Variants in EPHB1 observed in about 807,000 individuals in gnomAD.
EPHB1 encodes the protein ephrin type-B receptor 1.
In EPHB1, 30 loss-of-function variants were observed where a neutral mutation model predicts 94.4. That is an observed-to-expected ratio of 0.32 (90% confidence interval 0.24 to 0.43). The LOEUF (loss-of-function observed/expected upper bound fraction) is 0.43, where lower values mean the gene tolerates loss of function less well. EPHB1 is among the 20% of genes least tolerant of loss of function. EPHB1 has a pLI of 1.00. For synonymous variants in EPHB1, 522 were observed against 489.1 expected (o/e 1.07, Z -0.89); for missense variants, 1,055 against 1,308.3 (o/e 0.81, Z 2.99).
intron 3 of EPHB1, among the ~76,000 whole-genome samples, chr3:135,063,217 G>T (rs901614262): frequency 6.6e-6 from 1 of 152,122 alleles, no homozygotes; most frequent in Non-Finnish European, 1.5e-5. Flanking sequence ...TTCTAATTCT[G>T]TGAAGAATGT....
intron 3 of EPHB1, among the ~76,000 whole-genome samples, chr3:134,982,535 C>T (rs1022266705): frequency 2.6e-5 from 4 of 152,180 alleles, no homozygotes; most frequent in Non-Finnish European, 5.9e-5. Context: ...TGATCATCAG[C>T]TCTGTCCCTC....
intron 3 of EPHB1, among the ~76,000 whole-genome samples, chr3:135,012,353 G>A (rs1935649387): frequency 6.6e-6 from 1 of 152,208 alleles, no homozygotes; most frequent in African/African-American, 2.4e-5. Flanking sequence ...AGTCCTCAAG[G>A]CTGACTTCCT....
intron 1 of EPHB1, among the ~76,000 whole-genome samples, chr3:134,922,313 A>G (rs934992832): frequency 2.0e-5 from 3 of 152,212 alleles, no homozygotes; most frequent in Non-Finnish European, 2.9e-5. Context: ...CTAGAGTGTA[A>G]TGCCATCATC....
chr3:134,920,682 T>C (rs2038665958), intron 1 of EPHB1, among the ~76,000 whole-genome samples: 1 of 152,174 alleles, frequency 6.6e-6, no homozygotes, highest in Non-Finnish European at 1.5e-5. Context: ...TTCAACATGA[T>C]GGGTGTCTAA....
chr3:135,025,017 G>T lies in EPHB1; in HGVS notation c.805+72965G>T, dbSNP rs987379146. On this transcript the variant is annotated intron_variant, in intron 3 of 15. Transcript: ENST00000398015. ...TATGTATAATACAAAATGTATATTT[G>T]TTCACTTTGTTAACATATATTTACA... Among the ~76,000 whole-genome samples the T allele has an allele frequency of 4.0e-5, 6 of 151,046 alleles. No individual in the cohort carries two copies. In the South Asian group the frequency reaches 1.0e-3, roughly 26 times the overall value.
At chr3:134,980,402 G>A (rs538169153) in intron 3 of EPHB1, among the ~76,000 whole-genome samples, 4 of 152,226 alleles carry the variant, frequency 2.6e-5, no homozygotes, top group Admixed American at 6.5e-5. Flanking sequence ...TGCCATACCC[G>A]ATTGGTTGAA....
chr3:135,125,155 A>C (rs746596866), intron 4 of EPHB1, among the ~76,000 whole-genome samples: 3 of 151,598 alleles, frequency 2.0e-5, no homozygotes, highest in Non-Finnish European at 4.4e-5. Context: ...ATTACTTACC[A>C]GTCTGTCCAC....
intron 1 of EPHB1, among the ~76,000 whole-genome samples, chr3:134,889,506 G>A (rs2037924961): frequency 6.6e-6 from 1 of 151,948 alleles, no homozygotes; most frequent in Admixed American, 6.6e-5. Flanking sequence ...AGAAATAATG[G>A]GGGTATTTCT....
intron 3 of EPHB1, among the ~76,000 whole-genome samples, chr3:134,953,042 T>G (rs1481913681): frequency 1.3e-5 from 2 of 152,106 alleles, no homozygotes; most frequent in African/African-American, 4.8e-5. Context: ...ATGACCACCT[T>G]AACCTTAATG....
intron 1 of EPHB1, among the ~76,000 whole-genome samples, chr3:134,914,335 A>G (rs2038519250): frequency 6.6e-6 from 1 of 152,250 alleles, no homozygotes; most frequent in East Asian, 1.9e-4. Context: ...GGTGCTTGGT[A>G]AATAATATTT....
intron 7 of EPHB1, among the ~76,000 whole-genome samples, chr3:135,164,741 G>A (rs912610651): frequency 7.1e-4 from 107 of 150,690 alleles, no homozygotes; most frequent in African/African-American, 2.5e-3. Context: ...CTCGGGAGGC[G>A]GAGGTTACAG....
intron 9 of EPHB1, among the ~76,000 whole-genome samples, chr3:135,173,238 T>G (rs923147251): frequency 1.3e-5 from 2 of 151,626 alleles, no homozygotes; most frequent in Non-Finnish European, 1.5e-5. Context: ...GTTTCACCGT[T>G]TTAGCCGGGA....
intron 3 of EPHB1, among the ~76,000 whole-genome samples, chr3:134,988,171 T>G (rs780761452): frequency 1.3e-5 from 2 of 152,206 alleles, no homozygotes; most frequent in Admixed American, 6.5e-5. Flanking sequence ...ATCTCCTGTC[T>G]GAGCCAGTAG....
intron 13 of EPHB1, among the ~76,000 whole-genome samples, chr3:135,246,012 C>T (rs902196368): frequency 2.0e-5 from 3 of 152,138 alleles, no homozygotes; most frequent in Non-Finnish European, 2.9e-5. Flanking sequence ...CTCAGAAAGG[C>T]CCTGACTCCA....
intron 3 of EPHB1, among the ~76,000 whole-genome samples, chr3:135,044,704 A>G (rs1414447553): frequency 6.6e-6 from 1 of 152,240 alleles, no homozygotes; most frequent in Non-Finnish European, 1.5e-5. Flanking sequence ...GCAAATGCTT[A>G]ATAAATGACA....
At chr3:134,876,439 A>G (rs753413452) in intron 1 of EPHB1, among the ~76,000 whole-genome samples, 1 of 152,200 alleles carries the variant, frequency 6.6e-6, no homozygotes, top group Non-Finnish European at 1.5e-5. Context: ...AAAAAAATAC[A>G]TACTTTCTGA....
chr3:134,865,468 T>A (rs1578150351), intron 1 of EPHB1, among the ~76,000 whole-genome samples: 1 of 152,332 alleles, frequency 6.6e-6, no homozygotes, highest in East Asian at 1.9e-4. Context: ...CCGTTGACCC[T>A]GATGTTTCAT....
chr3:135,240,828 C>T (rs1943765989), intron 12 of EPHB1, among the ~76,000 whole-genome samples: 1 of 152,116 alleles, frequency 6.6e-6, no homozygotes, highest in Admixed American at 6.5e-5. Context: ...TCAGGTAGTT[C>T]CAGTGAGTTT....
At chr3:134,965,747 T>G (rs1319049038) in intron 3 of EPHB1, among the ~76,000 whole-genome samples, 2 of 152,146 alleles carry the variant, frequency 1.3e-5, no homozygotes, top group East Asian at 3.9e-4. Context: ...GCAGCAGCCC[T>G]CCCGCCCCCA....
Sources: gnomAD v4.1 joint callset for allele counts (sites outside exome capture counted in the v4.1 genomes callset) on GRCh38, gnomAD v4.1.1 for gene constraint, MANE v1.5 for transcripts, NCBI Gene and HGNC (gene_info 2026-07-23, HGNC 2026-07-21) for gene names.